FHIP1A: variants seen among roughly 807,000 people sequenced by gnomAD.
FHIP1A encodes the protein FHF complex subunit HOOK-interacting protein 1A.
In FHIP1A, 61 loss-of-function variants were observed where a neutral mutation model predicts 88.6. The ratio of observed to expected loss-of-function variants is 0.69; its 90% CI spans 0.56 to 0.85. The LOEUF is 0.85. Ranked by LOEUF, FHIP1A falls within the 40% of genes least tolerant of loss-of-function variation. The pLI, the probability that FHIP1A is intolerant of heterozygous loss-of-function variation, is 0.00. For synonymous variants in FHIP1A, 478 were observed against 496.0 expected (o/e 0.96, Z 0.48); for missense variants, 1,154 against 1,273.5 (o/e 0.91, Z 1.43).
At chr4:151,460,484 C>A (rs955399108) in intron 2 of FHIP1A, among the ~76,000 whole-genome samples, 1 of 152,186 alleles carries the variant, frequency 6.6e-6, no homozygotes, top group Non-Finnish European at 1.5e-5. Flanking sequence ...TCTTCCTTAA[C>A]TGCTGTCTTA....
chr4:151,446,102 C>T (rs1400503979), intron 1 of FHIP1A, among the ~76,000 whole-genome samples: 2 of 151,682 alleles, frequency 1.3e-5, no homozygotes, highest in Non-Finnish European at 2.9e-5. Flanking sequence ...GTGGTTGTAC[C>T]AGGATACAGT....
chr4:151,650,033 T>C lies in FHIP1A; in HGVS notation c.1992T>C (p.Ala664=). The change falls in exon 11 of 14, where the codon GCT becomes GCC. Residue 664 remains alanine, a synonymous_variant. Coordinates refer to ENST00000435205, the MANE Select transcript of FHIP1A (RefSeq NM_001109977.3). ...EDMKDSQEEA[A]RPPAEAQAEV... is the part of the protein sequence containing the mutation. Reference sequence around the variant, plus strand: ...TGAAGGATTCTCAGGAGGAAGCTGCTAGGCCACCAGCTGAAGCCCAGGCTG... The same window carrying C: ...TGAAGGATTCTCAGGAGGAAGCTGCCAGGCCACCAGCTGAAGCCCAGGCTG... The C allele has an allele frequency of 6.4e-7, 1 of 1,551,706 alleles. No individual in the cohort carries two copies. The highest frequency in any genetic ancestry group is 8.7e-7 in the Non-Finnish European group (1 of 1,146,992).
At chr4:151,541,007 C>T (rs905133238) in intron 3 of FHIP1A, among the ~76,000 whole-genome samples, 8 of 152,200 alleles carry the variant, frequency 5.3e-5, no homozygotes, top group East Asian at 1.9e-4. Flanking sequence ...TGAGTATGTA[C>T]GTACCTCCTA....
At chr4:151,633,162 A>G (rs974461171) in intron 8 of FHIP1A, among the ~76,000 whole-genome samples, 1 of 151,902 alleles carries the variant, frequency 6.6e-6, no homozygotes, top group African/African-American at 2.4e-5. Context: ...AATAAAAAAG[A>G]GCATACCACA....
At chr4:151,600,655 C>T (rs548253896) in intron 7 of FHIP1A, among the ~76,000 whole-genome samples, 2 of 152,292 alleles carry the variant, frequency 1.3e-5, no homozygotes, top group East Asian at 1.9e-4. Flanking sequence ...CACTGCTCTG[C>T]GATGTCTGGG....
chr4:151,655,454 C>T (rs1019599683), intron 11 of FHIP1A, among the ~76,000 whole-genome samples: 3 of 152,100 alleles, frequency 2.0e-5, no homozygotes, highest in Admixed American at 2.0e-4. Context: ...TTTTTAACTG[C>T]TTTTTTAAAA....
intron 7 of FHIP1A, among the ~76,000 whole-genome samples, chr4:151,613,122 A>G (rs1385859548): frequency 5.3e-5 from 8 of 152,160 alleles, no homozygotes; most frequent in Admixed American, 3.9e-4. Context: ...TGGTTTTTCA[A>G]CCAGTGCTTG....
chr4:151,504,019 T>C (rs1333415378), intron 3 of FHIP1A, among the ~76,000 whole-genome samples: 1 of 152,236 alleles, frequency 6.6e-6, no homozygotes, highest in Non-Finnish European at 1.5e-5. Flanking sequence ...TGTTATATGG[T>C]CATATTTGTA....
At chr4:151,564,747 C>G (rs1474012645) in intron 3 of FHIP1A, among the ~76,000 whole-genome samples, 1 of 152,174 alleles carries the variant, frequency 6.6e-6, no homozygotes, top group Non-Finnish European at 1.5e-5. Context: ...AACAGGTCGT[C>G]CTTTCTATAT....
At chr4:151,499,221 A>G (rs1730563780) in intron 3 of FHIP1A, among the ~76,000 whole-genome samples, 1 of 152,178 alleles carries the variant, frequency 6.6e-6, no homozygotes, top group Admixed American at 6.5e-5. Context: ...CACCCTTCTT[A>G]TATACCTGAG....
intron 1 of FHIP1A, among the ~76,000 whole-genome samples, chr4:151,422,038 A>G (rs1733189919): frequency 6.6e-6 from 1 of 151,978 alleles, no homozygotes; most frequent in Admixed American, 6.6e-5. Flanking sequence ...CCTTGGCTGC[A>G]CTGTTGTCAA....
chr4:151,615,446 C>T (rs182573219), intron 7 of FHIP1A, among the ~76,000 whole-genome samples: 35 of 152,300 alleles, frequency 2.3e-4, no homozygotes, highest in African/African-American at 6.5e-4. Flanking sequence ...TGTAAAACAT[C>T]TAATACAATA....
chr4:151,511,354 C>T (rs6838011), intron 3 of FHIP1A, among the ~76,000 whole-genome samples: 78,637 of 151,694 alleles, frequency 0.52, 20,645 homozygotes, highest in African/African-American at 0.55. Context: ...CTAGTGTGAG[C>T]GACGCAGAAG....
intron 1 of FHIP1A, among the ~76,000 whole-genome samples, chr4:151,450,568 A>G (rs1728753953): frequency 6.6e-6 from 1 of 152,182 alleles, no homozygotes; most frequent in African/African-American, 2.4e-5. Context: ...ACAACTGTAT[A>G]TATAGGGTAA....
chr4:151,602,482 T>C (rs1734912285), intron 7 of FHIP1A, among the ~76,000 whole-genome samples: 2 of 151,904 alleles, frequency 1.3e-5, no homozygotes, highest in South Asian at 2.1e-4. Context: ...CAAGAAAAAC[T>C]AAGTGCTGTG....
chr4:151,650,633 G>C (rs1339224834), intron 11 of FHIP1A, 41 bp downstream of exon 11: 4 of 1,510,746 alleles, frequency 2.6e-6, no homozygotes, highest in Non-Finnish European at 3.5e-6. Context: ...GCTTTCGAAA[G>C]TACTTGTATA....
In FHIP1A at chr4:151,650,023, A is replaced by G. The variant is rs1372969540; in HGVS notation, c.1982A>G (p.Glu661Gly). ...KDSEDMKDSQ[E>G]EAARPPAEAQ... ...TCCGAGGACATGAAGGATTCTCAGG[A>G]GGAAGCTGCTAGGCCACCAGCTGAA... Residue 661 changes from glutamate to glycine, a missense_variant, in exon 11 of 14, where the codon GAG (glutamate) becomes GGG (glycine). Coordinates refer to ENST00000435205, the MANE Select transcript of FHIP1A (RefSeq NM_001109977.3). 1.2e-5 allele frequency: 19 copies of G among 1,551,604 alleles called. No homozygotes were observed. Among genetic ancestry groups the G allele is most frequent in the Non-Finnish European group, 1.4e-5 (16 of 1,147,008 alleles).
At chr4:151,612,017 C>T (rs1208345630) in intron 7 of FHIP1A, among the ~76,000 whole-genome samples, 1 of 152,164 alleles carries the variant, frequency 6.6e-6, no homozygotes. Flanking sequence ...AACTTTAGTA[C>T]TAGACATAAT....
At chr4:151,506,952 A>C (rs578001409) in intron 3 of FHIP1A, among the ~76,000 whole-genome samples, 7 of 152,348 alleles carry the variant, frequency 4.6e-5, no homozygotes, top group South Asian at 4.1e-4. Context: ...CCATTTCAAC[A>C]AAAAATAAAT....
Sources: gnomAD v4.1 joint callset for allele counts (sites outside exome capture counted in the v4.1 genomes callset) on GRCh38, gnomAD v4.1.1 for gene constraint, MANE v1.5 for transcripts, NCBI Gene and HGNC (gene_info 2026-07-23, HGNC 2026-07-21) for gene names.